Variants in GRIA1 observed in about 807,000 individuals in gnomAD.
The protein encoded by GRIA1 is glutamate receptor 1.
A neutral mutation model predicts 99.2 loss-of-function variants in GRIA1; 31 were observed. The observed-to-expected ratio is 0.31, with a 90% CI of 0.23 to 0.42. The LOEUF (loss-of-function observed/expected upper bound fraction) is 0.42. Among genes scored for constraint, GRIA1 ranks in the 10% least tolerant of loss-of-function variants. GRIA1 has a pLI of 1.00. For synonymous variants in GRIA1, 438 were observed against 432.4 expected (o/e 1.01, Z -0.16); for missense variants, 782 against 1,157.5 (o/e 0.68, Z 4.71).
At chr5:153,552,982 T>C (rs62384365) in intron 2 of GRIA1, among the ~76,000 whole-genome samples, 71,023 of 152,060 alleles carry the variant, frequency 0.47, 18,322 homozygotes, top group Non-Finnish European at 0.59. Flanking sequence ...CCTGGCTGGT[T>C]TCAAACTCTT....
intron 2 of GRIA1, among the ~76,000 whole-genome samples, chr5:153,567,669 G>A (rs1434583967): frequency 2.0e-5 from 3 of 152,218 alleles, no homozygotes; most frequent in Non-Finnish European, 4.4e-5. Flanking sequence ...AGGCATCTCC[G>A]AGTGATGACC....
At chr5:153,723,468 T>C (rs577908915) in intron 11 of GRIA1, among the ~76,000 whole-genome samples, 3 of 152,300 alleles carry the variant, frequency 2.0e-5, no homozygotes, top group African/African-American at 7.2e-5. Context: ...ACGCAAGGGA[T>C]CAGGGAGTTC....
intron 11 of GRIA1, among the ~76,000 whole-genome samples, chr5:153,735,860 G>A (rs574252192): frequency 6.6e-6 from 1 of 152,320 alleles, no homozygotes; most frequent in East Asian, 1.9e-4. Context: ...CTGAGATGGG[G>A]AACATTTGTG....
intron 2 of GRIA1, among the ~76,000 whole-genome samples, chr5:153,538,576 G>C (rs546227108): frequency 6.6e-6 from 1 of 152,202 alleles, no homozygotes; most frequent in African/African-American, 2.4e-5. Flanking sequence ...TCAGCTCACA[G>C]GACACTCACA....
At chr5:153,762,493 T>C (rs1387871502) in intron 11 of GRIA1, among the ~76,000 whole-genome samples, 1 of 152,230 alleles carries the variant, frequency 6.6e-6, no homozygotes, top group Non-Finnish European at 1.5e-5. Flanking sequence ...TGTTGTGCAC[T>C]GGTTCTGGGG....
intron 2 of GRIA1, among the ~76,000 whole-genome samples, chr5:153,639,286 G>A (rs1581382719): frequency 6.6e-6 from 1 of 152,180 alleles, no homozygotes; most frequent in Non-Finnish European, 1.5e-5. Flanking sequence ...CACACATGAA[G>A]TGCCGGATAC....
intron 13 of GRIA1, among the ~76,000 whole-genome samples, chr5:153,781,745 A>G (rs559585971): frequency 7.1e-4 from 108 of 152,328 alleles, no homozygotes; most frequent in African/African-American, 2.5e-3. Context: ...GCCATTACTA[A>G]TAAACATCCT....
At chr5:153,770,664 C>T (rs1001824483) in intron 13 of GRIA1, among the ~76,000 whole-genome samples, 20 of 152,200 alleles carry the variant, frequency 1.3e-4, no homozygotes, top group African/African-American at 4.8e-4. Context: ...CCTCACCTTC[C>T]TCCTCCAAGT....
chr5:153,668,718 C>T (rs939698787), intron 5 of GRIA1, among the ~76,000 whole-genome samples: 19 of 152,294 alleles, frequency 1.2e-4, no homozygotes, highest in South Asian at 8.3e-4. Context: ...ATAAACTAGA[C>T]ACTTTGGAAG....
intron 11 of GRIA1, 189 bp downstream of exon 11, chr5:153,706,256 G>C: frequency 3.2e-6 from 2 of 620,036 alleles, no homozygotes; most frequent in Non-Finnish European, 5.6e-6. Flanking sequence ...CCTGTAGCTG[G>C]GCCATCTCTG....
chr5:153,772,846 T>C (rs903543612), intron 13 of GRIA1, among the ~76,000 whole-genome samples: 4 of 152,212 alleles, frequency 2.6e-5, no homozygotes, highest in Admixed American at 1.3e-4. Context: ...TATTACAATT[T>C]ACTGAAGGTT....
Position 153,674,585 on chromosome 5 carries a change from T to C in GRIA1, c.785T>C (p.Ile262Thr). Residue 262 changes from isoleucine to threonine, a missense_variant, in exon 6 of 16, where the codon ATT (isoleucine) becomes ACT (threonine). Ile to Thr is a moderately conservative substitution (Grantham distance 89). Transcript: ENST00000285900. ...GFQLVNYTDT[I>T]PAKIMQQWKN... The stretch of plus-strand genomic sequence containing the variant: ...CAGCTGGTGAACTACACAGACACTA[T>C]TCCGGCCAAGATCATGCAGCAGTGG... 1 of 1,614,088 alleles carries C rather than the reference T, an allele frequency of 6.2e-7. No individual in the cohort carries two copies. Among genetic ancestry groups the C allele is most frequent in the Non-Finnish European group, 8.5e-7 (1 of 1,179,986 alleles).
chr5:153,763,323 T>C (rs1265986665), intron 11 of GRIA1, among the ~76,000 whole-genome samples: 2 of 152,194 alleles, frequency 1.3e-5, no homozygotes, highest in Admixed American at 6.5e-5. Flanking sequence ...CAGTAGACTC[T>C]TGGGTTTCTT....
At chr5:153,490,168 A>G (rs1205944767), upstream of GRIA1, 2 of 247,102 alleles carry the variant, frequency 8.1e-6, no homozygotes, top group Non-Finnish European at 1.6e-5. Flanking sequence ...AGTGGAGTGC[A>G]GGAGATATAT....
At chr5:153,677,276 A>G (rs965140568) in intron 7 of GRIA1, 115 bp downstream of exon 7, 1 of 807,918 alleles carries the variant, frequency 1.2e-6, no homozygotes, top group Non-Finnish European at 1.7e-6. Context: ...TGAAGTTCAG[A>G]ACAACCACTG....
chr5:153,764,853 G>C (rs1763409450), intron 12 of GRIA1, among the ~76,000 whole-genome samples: 1 of 152,122 alleles, frequency 6.6e-6, no homozygotes, highest in Non-Finnish European at 1.5e-5. Context: ...GCATTGATTT[G>C]GATCCCTTGC....
rs563620692 is a variant in GRIA1 at position 153,776,317 on chromosome 5, C to T, written c.2270+5902C>T. Among the ~76,000 whole-genome samples the T allele has an allele frequency of 8.5e-5, 13 of 152,270 alleles. No homozygotes were observed. The East Asian group carries it at 1.9e-3, about 23-fold the overall frequency. On this transcript the variant is annotated intron_variant, in intron 13 of 15. Coordinates refer to ENST00000285900, the MANE Select transcript of GRIA1 (RefSeq NM_000827.4). ...GGAGGTTTGGAAAAGAAGTCTGTTACGTAAGCTTTCTGGGGCTTTTGTGCC... is the reference window on the plus strand; with the variant it reads ...GGAGGTTTGGAAAAGAAGTCTGTTATGTAAGCTTTCTGGGGCTTTTGTGCC...
At chr5:153,613,701 A>G (rs1325153873) in intron 2 of GRIA1, among the ~76,000 whole-genome samples, 1 of 145,504 alleles carries the variant, frequency 6.9e-6, no homozygotes, top group Admixed American at 6.8e-5. Context: ...CTTTTCCCAG[A>G]AACAGCCACT....
chr5:153,758,211 T>C (rs1581606353), intron 11 of GRIA1, among the ~76,000 whole-genome samples: 1 of 152,030 alleles, frequency 6.6e-6, no homozygotes, highest in Admixed American at 6.6e-5. Context: ...CCTGACTGAA[T>C]TACCTGAAAT....
Sources: allele counts gnomAD v4.1 joint callset (sites outside exome capture counted in the v4.1 genomes callset), GRCh38; gene constraint gnomAD v4.1.1; transcripts MANE v1.5; gene names NCBI Gene and HGNC (gene_info 2026-07-23, HGNC 2026-07-21).